GPR158: variants seen among roughly 807,000 people sequenced by gnomAD.
GPR158 encodes the protein G protein-coupled receptor 158.
Under a neutral mutation model 78.2 loss-of-function variants are expected in GPR158, and 30 were observed. The ratio of observed to expected loss-of-function variants is 0.38; its 90% CI spans 0.29 to 0.52. The LOEUF (loss-of-function observed/expected upper bound fraction) is 0.52. Among genes scored for constraint, GPR158 ranks in the 20% least tolerant of loss-of-function variants. The pLI is 0.83. For synonymous variants in GPR158, 581 were observed against 591.1 expected (o/e 0.98, Z 0.25); for missense variants, 1,463 against 1,523.5 (o/e 0.96, Z 0.66).
intron 2 of GPR158, among the ~76,000 whole-genome samples, chr10:25,394,130 C>T (rs541169539): frequency 6.6e-6 from 1 of 152,316 alleles, no homozygotes; most frequent in East Asian, 1.9e-4. Context: ...CTTAAGTTTG[C>T]TCAGGCCAAA....
chr10:25,409,557 C>T (rs1834558711), intron 3 of GPR158, among the ~76,000 whole-genome samples: 1 of 152,120 alleles, frequency 6.6e-6, no homozygotes. Flanking sequence ...TCAACTGATT[C>T]CTTCTTTCTG....
At chr10:25,208,604 G>GTT (rs1853082193) in intron 1 of GPR158, among the ~76,000 whole-genome samples, 2 of 132,958 alleles carry the variant, frequency 1.5e-5, no homozygotes, top group South Asian at 4.9e-4. Flanking sequence ...GTGTGTGTGT[G>GTT]TATTAGAATT....
At chr10:25,371,004 T>C (rs1025991634) in intron 2 of GPR158, among the ~76,000 whole-genome samples, 83 of 146,492 alleles carry the variant, frequency 5.7e-4, no homozygotes, top group Non-Finnish European at 8.6e-4. Flanking sequence ...TGCCTTTTTT[T>C]GTTTTCCATT....
At chr10:25,455,474 A>G (rs1835278340) in intron 4 of GPR158, among the ~76,000 whole-genome samples, 1 of 152,042 alleles carries the variant, frequency 6.6e-6, no homozygotes, top group African/African-American at 2.4e-5. Context: ...GTATGTATTT[A>G]ATTATTTCTC....
chr10:25,542,468 A>T (rs955312104), intron 5 of GPR158, among the ~76,000 whole-genome samples: 2 of 152,170 alleles, frequency 1.3e-5, no homozygotes, highest in African/African-American at 4.8e-5. Context: ...GAAATGGTGG[A>T]GATTAATTTT....
At chr10:25,289,582 A>C (rs1417366607) in intron 2 of GPR158, among the ~76,000 whole-genome samples, 1 of 151,786 alleles carries the variant, frequency 6.6e-6, no homozygotes, top group East Asian at 1.9e-4. Flanking sequence ...ACAGGCGCCC[A>C]CCACCACCCC....
At chr10:25,571,044 A>G (rs950967479) in intron 6 of GPR158, among the ~76,000 whole-genome samples, 3 of 152,230 alleles carry the variant, frequency 2.0e-5, no homozygotes, top group African/African-American at 4.8e-5. Context: ...ACAAATAGTA[A>G]TTAAACTGGT....
chr10:25,530,890 C>T (rs1836414799), intron 5 of GPR158, among the ~76,000 whole-genome samples: 1 of 152,176 alleles, frequency 6.6e-6, no homozygotes, highest in South Asian at 2.1e-4. Context: ...GGGATCTCTC[C>T]ATCCGAGCAG....
chr10:25,344,852 A>G lies in GPR158; in HGVS notation c.1009-51059A>G, dbSNP rs193130131. Among the ~76,000 whole-genome samples the G allele has an allele frequency of 3.3e-3, 506 of 152,106 alleles. 3 individuals are homozygous for G. Among genetic ancestry groups the G allele is most frequent in the African/African-American group, 0.011 (467 of 41,548 alleles). On this transcript the variant is annotated intron_variant, in intron 2 of 10. Coordinates refer to ENST00000376351, the MANE Select transcript of GPR158 (RefSeq NM_020752.3). ...TACAGTTCTAGAGCCTGGAAGTCCA[A>G]TATCAAGGTGCCAGCAGATTTTCTG...
At chr10:25,352,287 T>C (rs1003062362) in intron 2 of GPR158, among the ~76,000 whole-genome samples, 1 of 152,078 alleles carries the variant, frequency 6.6e-6, no homozygotes, top group African/African-American at 2.4e-5. Flanking sequence ...CCTGTGAGCT[T>C]CACAGCAAGC....
chr10:25,272,134 A>T (rs1357374145), intron 2 of GPR158, among the ~76,000 whole-genome samples: 1 of 152,202 alleles, frequency 6.6e-6, no homozygotes, highest in Non-Finnish European at 1.5e-5. Flanking sequence ...GGTTAAGGGA[A>T]CATTTCTGAT....
intron 2 of GPR158, among the ~76,000 whole-genome samples, chr10:25,393,062 A>G (rs1834322442): frequency 6.6e-6 from 1 of 152,222 alleles, no homozygotes; most frequent in African/African-American, 2.4e-5. Context: ...GTTTTATGTA[A>G]TAAAATCAGG....
At chr10:25,587,501 G>A (rs147503417) in intron 7 of GPR158, among the ~76,000 whole-genome samples, 35 of 152,312 alleles carry the variant, frequency 2.3e-4, no homozygotes, top group African/African-American at 7.0e-4. Context: ...AGAAATGAAA[G>A]TTGGAGATTT....
At chr10:25,308,390 A>T (rs1331480776) in intron 2 of GPR158, among the ~76,000 whole-genome samples, 1 of 152,026 alleles carries the variant, frequency 6.6e-6, no homozygotes, top group Non-Finnish European at 1.5e-5. Flanking sequence ...TTGTGAGAAC[A>T]TGTGGTATTT....
At chr10:25,384,673 G>A (rs1397900049) in intron 2 of GPR158, among the ~76,000 whole-genome samples, 1 of 142,024 alleles carries the variant, frequency 7.0e-6, no homozygotes, top group African/African-American at 2.7e-5. Flanking sequence ...ATTTATAAAT[G>A]TGGTTTTTCG....
chr10:25,235,440 T>A (rs199763261), intron 2 of GPR158, among the ~76,000 whole-genome samples: 1 of 147,910 alleles, frequency 6.8e-6, no homozygotes, highest in Non-Finnish European at 1.5e-5. Flanking sequence ...TTTTTTTTTT[T>A]AATGGCAAGA....
chr10:25,423,508 G>T (rs1834781902), intron 4 of GPR158, among the ~76,000 whole-genome samples: 1 of 151,808 alleles, frequency 6.6e-6, no homozygotes, highest in African/African-American at 2.4e-5. Flanking sequence ...ATTACATTAG[G>T]TATTTCTCTT....
chr10:25,422,383 C>T (rs1198343820), intron 4 of GPR158, among the ~76,000 whole-genome samples: 2 of 152,106 alleles, frequency 1.3e-5, no homozygotes, highest in Non-Finnish European at 2.9e-5. Context: ...CTATTGTGAA[C>T]TGCACATGTG....
At position 25,412,481 on chromosome 10, in the gene GPR158, C is replaced by T. The variant is rs774316456; in HGVS notation, c.1335+8C>T. 1.9e-6 allele frequency: 3 copies of T among 1,593,560 alleles called. No homozygotes were observed. Among genetic ancestry groups the T allele is most frequent in the Non-Finnish European group, 2.6e-6 (3 of 1,161,740 alleles). On this transcript the variant is annotated splice_region_variant and intron_variant, in intron 4 of 10. Coordinates refer to ENST00000376351, the MANE Select transcript of GPR158 (RefSeq NM_020752.3). ...CACTTTCGCAAAGCAAAGGTAAACCCAGGAACCCTGGTTATGATCCTGTAT... is the reference window on the plus strand; with the variant it reads ...CACTTTCGCAAAGCAAAGGTAAACCTAGGAACCCTGGTTATGATCCTGTAT...
Sources: allele counts gnomAD v4.1 joint callset (sites outside exome capture counted in the v4.1 genomes callset), GRCh38; gene constraint gnomAD v4.1.1; transcripts MANE v1.5; gene names NCBI Gene and HGNC (gene_info 2026-07-23, HGNC 2026-07-21).